Variants in GULP1 observed in about 807,000 individuals in gnomAD.
The protein encoded by GULP1 is GULP PTB domain containing engulfment adaptor 1, also known as PTB domain-containing engulfment adapter protein 1.
In GULP1, 19 loss-of-function variants were observed where a neutral mutation model predicts 40.9. The ratio of observed to expected loss-of-function variants is 0.46; its 90% confidence interval spans 0.32 to 0.68. The LOEUF is 0.68. GULP1 is among the 30% of genes least tolerant of loss of function. The pLI is 0.03. For synonymous variants in GULP1, 119 were observed against 117.6 expected, an observed-to-expected ratio of 1.01 and a Z score of -0.08; for missense variants, 312 against 362.2, an observed-to-expected ratio of 0.86 and a Z score of 1.12.
intron 2 of GULP1, among the ~76,000 whole-genome samples, chr2:188,453,018 A>G (rs1037609038): frequency 1.3e-5 from 2 of 151,500 alleles, no homozygotes; most frequent in East Asian, 1.9e-4. Flanking sequence ...GGGTCTCACT[A>G]TGTTGCCCAG....
At chr2:188,483,298 T>C (rs1575532019) in intron 3 of GULP1, 133 bp from the exon 4 acceptor site, 1 of 444,456 alleles carries the variant, frequency 2.2e-6, no homozygotes, top group East Asian at 3.5e-5. Context: ...ATCTGAGTGG[T>C]TATTCTTTGT....
At chr2:188,542,370 A>G (rs1316856809) in intron 7 of GULP1, among the ~76,000 whole-genome samples, 1 of 152,162 alleles carries the variant, frequency 6.6e-6, no homozygotes, top group Non-Finnish European at 1.5e-5. Flanking sequence ...TCATTTGTTT[A>G]TCTAGTTTCA....
At chr2:188,368,383 C>A (rs2047089947) in intron 1 of GULP1, among the ~76,000 whole-genome samples, 1 of 151,944 alleles carries the variant, frequency 6.6e-6, no homozygotes, top group Non-Finnish European at 1.5e-5. Context: ...GAGTTCGAGA[C>A]CAGCCTGATC....
intron 2 of GULP1, among the ~76,000 whole-genome samples, chr2:188,441,051 A>G (rs1020502485): frequency 7.1e-6 from 1 of 141,572 alleles, no homozygotes; most frequent in East Asian, 2.1e-4. Flanking sequence ...TTGGGATAGC[A>G]TTCTAAGCTC....
chr2:188,299,049 A>T (rs566279351), intron 1 of GULP1, among the ~76,000 whole-genome samples: 1 of 152,272 alleles, frequency 6.6e-6, no homozygotes, highest in African/African-American at 2.4e-5. Context: ...ACAGTCTAAG[A>T]TAATTCCAAC....
intron 1 of GULP1, among the ~76,000 whole-genome samples, chr2:188,336,901 C>G (rs2152107659): frequency 6.6e-6 from 1 of 152,226 alleles, no homozygotes; most frequent in South Asian, 2.1e-4. Flanking sequence ...TCTCAAACAC[C>G]AGTGTGCAGA....
chr2:188,389,917 G>A (rs896578058), intron 2 of GULP1, among the ~76,000 whole-genome samples: 3 of 151,308 alleles, frequency 2.0e-5, no homozygotes, highest in Admixed American at 2.0e-4. Flanking sequence ...TAATGGCCTT[G>A]AGCTCCATCC....
At chr2:188,500,254 C>T (rs999319413) in intron 4 of GULP1, among the ~76,000 whole-genome samples, 1 of 151,770 alleles carries the variant, frequency 6.6e-6, no homozygotes, top group African/African-American at 2.4e-5. Context: ...ACACAATGTA[C>T]GTGAGAAACA....
intron 2 of GULP1, among the ~76,000 whole-genome samples, chr2:188,467,117 A>C (rs565168530): frequency 6.6e-6 from 1 of 152,322 alleles, no homozygotes; most frequent in Admixed American, 6.5e-5. Context: ...ACAGTTGAAA[A>C]AAAAAAAGCT....
chr2:188,363,601 A>C (rs1387228632), intron 1 of GULP1, among the ~76,000 whole-genome samples: 2 of 152,128 alleles, frequency 1.3e-5, no homozygotes, highest in Non-Finnish European at 2.9e-5. Flanking sequence ...TTCAAGGCAA[A>C]GGGTTATTAA....
At chr2:188,417,969 T>TTTTTG (rs1021222032) in intron 2 of GULP1, among the ~76,000 whole-genome samples, 21 of 152,032 alleles carry the variant, frequency 1.4e-4, no homozygotes, top group African/African-American at 4.1e-4. Flanking sequence ...TTTTTTTGTT[T>TTTTTG]TTTTGTTTTG....
At chr2:188,505,825 T>C (rs906876732) in intron 4 of GULP1, among the ~76,000 whole-genome samples, 1 of 151,884 alleles carries the variant, frequency 6.6e-6, no homozygotes, top group African/African-American at 2.4e-5. Context: ...TGCCTTGACC[T>C]TCATAAACTG....
intron 2 of GULP1, among the ~76,000 whole-genome samples, chr2:188,472,416 G>T (rs2060663986): frequency 6.6e-6 from 1 of 151,984 alleles, no homozygotes; most frequent in South Asian, 2.1e-4. Flanking sequence ...ACTTAGATTT[G>T]CTCTTTTGAG....
At chr2:188,449,690 T>C (rs938663557) in intron 2 of GULP1, among the ~76,000 whole-genome samples, 3 of 152,150 alleles carry the variant, frequency 2.0e-5, no homozygotes, top group African/African-American at 7.2e-5. Context: ...ATGGGAAAGA[T>C]TGTAAAGAAT....
At chr2:188,531,788 A>G (rs1687609271) in intron 6 of GULP1, among the ~76,000 whole-genome samples, 1 of 152,250 alleles carries the variant, frequency 6.6e-6, no homozygotes. Context: ...AATAAATTAC[A>G]GAAGGACAAT....
intron 1 of GULP1, among the ~76,000 whole-genome samples, chr2:188,344,420 A>G (rs2043353682): frequency 6.6e-6 from 1 of 152,336 alleles, no homozygotes. Flanking sequence ...GAGAACATCT[A>G]TTCTAATTGT....
chr2:188,380,508 A>G (rs988305255), intron 1 of GULP1, among the ~76,000 whole-genome samples: 1 of 152,192 alleles, frequency 6.6e-6, no homozygotes, highest in Admixed American at 6.5e-5. Flanking sequence ...GTGAGCAATC[A>G]GTGGGGATTG....
At chr2:188,581,978 C>G (rs1056286908) in intron 9 of GULP1, among the ~76,000 whole-genome samples, 2 of 152,142 alleles carry the variant, frequency 1.3e-5, no homozygotes, top group Admixed American at 6.5e-5. Context: ...ACTGTTCTCT[C>G]ATTACTATCC....
intron 1 of GULP1, among the ~76,000 whole-genome samples, chr2:188,296,125 A>G (rs533712070): frequency 4.6e-5 from 7 of 152,100 alleles, no homozygotes; most frequent in Non-Finnish European, 8.8e-5. Context: ...AGGCTGGTGG[A>G]TCTAATATTG....
Sources: gnomAD v4.1 joint callset for allele counts (sites outside exome capture counted in the v4.1 genomes callset) on GRCh38, gnomAD v4.1.1 for gene constraint, MANE v1.5 for transcripts, NCBI Gene and HGNC (gene_info 2026-07-23, HGNC 2026-07-21) for gene names.